The following NECTIN4 variants were observed in gnomAD, a reference collection of about 807,000 sequenced individuals.
The protein encoded by NECTIN4 is nectin cell adhesion molecule 4.
Under a neutral mutation model 51.7 loss-of-function variants are expected in NECTIN4, and 19 were observed. That is an observed-to-expected ratio of 0.37 (90% CI 0.26 to 0.54). The LOEUF is 0.54. Among genes scored for constraint, NECTIN4 ranks in the 20% least tolerant of loss-of-function variants. NECTIN4 has a pLI of 0.86. For missense variants in NECTIN4, 619 were observed against 662.4 expected (o/e 0.93, Z 0.72); for synonymous variants, 283 against 286.9 (o/e 0.99, Z 0.14).
chr1:161,073,732 G>C lies in NECTIN4; in HGVS notation c.1221C>G (p.Asp407Glu). The change falls in exon 7 of 9, where the codon GAC becomes GAG. Residue 407 changes from aspartate to glutamate, a missense_variant. This residue lies in a region of NECTIN4 where 364 missense variants were observed against 415.7 expected (regional missense o/e 0.88). Coordinates refer to ENST00000368012, the MANE Select transcript of NECTIN4 (RefSeq NM_030916.3). Reference protein sequence around the residue: ...SIRRLHSHHTDPRSQPEESVG... With the variant: ...SIRRLHSHHTEPRSQPEESVG... ...CCTTGGCACACACCTGGCTCCTGGG[G>C]TCCGTGTGATGGGAATGCAGCCTCC... The C allele has an allele frequency of 1.9e-6, 3 of 1,614,114 alleles. No homozygotes were observed. Among genetic ancestry groups the C allele is most frequent in the Non-Finnish European group, 2.5e-6 (3 of 1,179,960 alleles).
At chr1:161,072,970 A>G in intron 8 of NECTIN4, 85 bp from the exon 9 acceptor site, 1 of 1,348,300 alleles carries the variant, frequency 7.4e-7, no homozygotes, top group Non-Finnish European at 1.0e-6. Flanking sequence ...TGGTGGGATC[A>G]GAGGCCAGGC....
Position 161,079,598 on chromosome 1 carries a change from C to T in NECTIN4, c.431G>A (p.Arg144Gln), listed in dbSNP as rs1192032514. ...CAGAGATCCCCGCTTACCCAGCACT[C>T]GGAGCCGCAGCCGCGCCTGGAAGCT... is the stretch of plus-strand genomic sequence containing the variant. ...AGSFQARLRLRVLVPPLPSLN... is the reference protein window; with the variant it reads ...AGSFQARLRLQVLVPPLPSLN... The change falls in exon 2 of 9, where the codon CGA becomes CAA. Residue 144 changes from arginine (R) to glutamine (Q), a missense_variant. By Grantham distance (43) the Arg-to-Gln change is conservative (BLOSUM62 1). Transcript: ENST00000368012. 1.2e-6 allele frequency: 2 copies of T among 1,603,444 alleles called. No individual in the cohort carries two copies. Among genetic ancestry groups the T allele is most frequent in the East Asian group, 2.2e-5 (1 of 44,818 alleles).
intron 8 of NECTIN4, 119 bp downstream of exon 8, chr1:161,073,106 G>A: frequency 1.1e-6 from 1 of 950,544 alleles, no homozygotes; most frequent in Admixed American, 1.8e-5. Context: ...GTGCTGGGCT[G>A]CATGAGCCAG....
At chr1:161,079,258 G>A (rs1452312140) in intron 2 of NECTIN4, among the ~76,000 whole-genome samples, 1 of 152,214 alleles carries the variant, frequency 6.6e-6, no homozygotes, top group Non-Finnish European at 1.5e-5. Flanking sequence ...GGTGGGGCAC[G>A]ACAAAGGGCC....
intron 2 of NECTIN4, 73 bp from the exon 3 acceptor site, chr1:161,077,816 A>G: frequency 7.2e-7 from 1 of 1,396,046 alleles, no homozygotes; most frequent in African/African-American, 1.4e-5. Flanking sequence ...ATCGCATTTC[A>G]GTCTTGCACA....
At chr1:161,079,558 G>A in intron 2 of NECTIN4, 32 bp downstream of exon 2, 1 of 1,600,526 alleles carries the variant, frequency 6.2e-7, no homozygotes, top group Non-Finnish European at 8.5e-7. Flanking sequence ...CATCCACAGC[G>A]GCTCAGACCG....
rs533165665 is a variant in NECTIN4, at chr1:161,078,787, G to A, written c.439+803C>T. On this transcript the variant is annotated intron_variant, in intron 2 of 8. Coordinates refer to ENST00000368012, the MANE Select transcript of NECTIN4 (RefSeq NM_030916.3). ...AGCACTTTGGGAGGCCAAGACGAGC[G>A]GATCACGAGGTCAGGAGATCGAGAC... Among the ~76,000 whole-genome samples, 120 of 151,944 alleles carry A rather than the reference G, an allele frequency of 7.9e-4. 1 individual carries two copies. Among genetic ancestry groups the A allele is most frequent in the African/African-American group, 1.7e-3 (72 of 41,478 alleles).
rs1653754508 is a variant in NECTIN4, at chr1:161,082,943, G to A, written c.80-2994C>T. Among the ~76,000 whole-genome samples the A allele has an allele frequency of 2.0e-5, 3 of 152,238 alleles. No individual in the cohort carries two copies. In the South Asian group the frequency reaches 6.2e-4, roughly 32 times the overall value. On this transcript the variant is annotated intron_variant, in intron 1 of 8. Transcript: ENST00000368012. ...ACTATTTCTGAGACAATATCAGATG[G>A]CATATTTTCCATCCCTATTCCTATA... is the stretch of plus-strand genomic sequence containing the variant.
intron 1 of NECTIN4, among the ~76,000 whole-genome samples, chr1:161,081,224 G>A (rs1024619274): frequency 2.0e-5 from 3 of 152,160 alleles, no homozygotes; most frequent in Non-Finnish European, 4.4e-5. Flanking sequence ...ACCAGCAAAG[G>A]AATTCATACT....
intron 8 of NECTIN4, 88 bp from the exon 9 acceptor site, chr1:161,072,973 G>C: frequency 7.6e-7 from 1 of 1,321,490 alleles, no homozygotes; most frequent in Non-Finnish European, 1.1e-6. Context: ...TGGGATCAGA[G>C]GCCAGGCGTA....
Position 161,072,563 on chromosome 1 carries a change from C to T in NECTIN4, c.*98G>A, listed in dbSNP as rs141350553. Reference sequence around the variant, plus strand: ...AGTCAGTGGGATGGGGAGCATCTTCCGCAAGAAATGGGGGTGTTTAAGGAG... The same window carrying T: ...AGTCAGTGGGATGGGGAGCATCTTCTGCAAGAAATGGGGGTGTTTAAGGAG... On this transcript the variant is annotated 3_prime_UTR_variant, in exon 9 of 9. Transcript: ENST00000368012. 5.9e-5 allele frequency: 59 copies of T among 1,006,390 alleles called. No homozygotes were observed. The highest frequency in any genetic ancestry group is 7.9e-5 in the Non-Finnish European group (50 of 633,612). 62.3% of individuals were successfully genotyped at this position (1,006,390 alleles called of 1,614,324 possible).
At chr1:161,081,851 C>G (rs1653693008) in intron 1 of NECTIN4, among the ~76,000 whole-genome samples, 1 of 151,114 alleles carries the variant, frequency 6.6e-6, no homozygotes, top group Non-Finnish European at 1.5e-5. Context: ...TCTGTGCTCC[C>G]CAGCACCCTG....
At chr1:161,086,995 A>G (rs1028900462) in intron 1 of NECTIN4, 3 of 152,362 alleles carry the variant, frequency 2.0e-5, no homozygotes, top group African/African-American at 7.2e-5. Flanking sequence ...TGGAAGGTCA[A>G]TAGAGATCAT....
intron 1 of NECTIN4, chr1:161,085,166 A>C (rs1653881176): frequency 6.6e-6 from 1 of 151,668 alleles, no homozygotes; most frequent in African/African-American, 2.4e-5. Context: ...CCCCCATTGT[A>C]CTAAGCCCCC....
chr1:161,089,117 G>A lies in NECTIN4; in HGVS notation c.79+101C>T. The stretch of plus-strand genomic sequence containing the variant: ...CTCAGTTCAGAGTCAAAGAAAGGAG[G>A]ATATGTGTGTGCGTGCGTGTGTGTC... On this transcript the variant is annotated intron_variant, in intron 1 of 8. Transcript: ENST00000368012. This position sits in a 1 kb window ranked among gnomAD's most constrained non-coding sequence, Gnocchi z 4.1. The A allele has an allele frequency of 9.6e-7, 1 of 1,042,314 alleles. No individual in the cohort carries two copies. The highest frequency in any genetic ancestry group is 1.5e-6 in the Non-Finnish European group (1 of 666,100). The allele number at this position is 1,042,314 out of a possible 1,614,324, so 64.6% of individuals were successfully genotyped here.
chr1:161,085,347 C>A (rs933423566), intron 1 of NECTIN4, among the ~76,000 whole-genome samples: 5 of 152,080 alleles, frequency 3.3e-5, no homozygotes, highest in Non-Finnish European at 7.4e-5. Context: ...TCCCCTAAAC[C>A]CCCCGGAGCC....
chr1:161,076,084 A>G (rs1653403035), intron 4 of NECTIN4, among the ~76,000 whole-genome samples: 1 of 152,242 alleles, frequency 6.6e-6, no homozygotes, highest in Non-Finnish European at 1.5e-5. Flanking sequence ...CAAAACTAAA[A>G]TAAATAAAAT....
intron 1 of NECTIN4, among the ~76,000 whole-genome samples, chr1:161,082,417 C>T (rs1263920994): frequency 6.6e-6 from 1 of 152,046 alleles, no homozygotes; most frequent in African/African-American, 2.4e-5. Flanking sequence ...GCAGGATAGG[C>T]TGGGCTAGCT....
At chr1:161,082,038 A>C (rs528938182) in intron 1 of NECTIN4, among the ~76,000 whole-genome samples, 2 of 151,720 alleles carry the variant, frequency 1.3e-5, no homozygotes, top group African/African-American at 4.9e-5. Context: ...GTGTAGAATG[A>C]GGAGGAACAG....
Sources: gnomAD v4.1 joint callset for allele counts (sites outside exome capture counted in the v4.1 genomes callset) on GRCh38, gnomAD v4.1.1 for gene constraint, gnomAD v4.1.1 regional missense constraint, Gnocchi (gnomAD v3.1) non-coding constraint, MANE v1.5 for transcripts, NCBI Gene and HGNC (gene_info 2026-07-23, HGNC 2026-07-21) for gene names.